Variants in TUT7 observed in about 807,000 individuals in gnomAD.
TUT7 encodes the protein terminal uridylyltransferase 7.
In TUT7, 33 loss-of-function variants were observed where a neutral mutation model predicts 165.9. The observed-to-expected ratio is 0.20, with a 90% confidence interval of 0.15 to 0.27. The LOEUF (loss-of-function observed/expected upper bound fraction) is 0.27. TUT7 is among the 10% of genes least tolerant of loss of function. The pLI, the probability that TUT7 is intolerant of heterozygous loss-of-function variation, is 1.00. For missense variants in TUT7, 1,338 were observed against 1,762.3 expected (o/e 0.76, Z 4.31); for synonymous variants, 552 against 608.1 (o/e 0.91, Z 1.36).
At chr9:86,306,992 G>A (rs561147825) in intron 22 of TUT7, among the ~76,000 whole-genome samples, 4 of 152,130 alleles carry the variant, frequency 2.6e-5, no homozygotes, top group Admixed American at 6.5e-5. Flanking sequence ...TTAATAGGCC[G>A]GGCACAGTGG....
At position 86,301,593 on chromosome 9, in the gene TUT7, C is replaced by T. The variant is rs529420813; in HGVS notation, c.4103G>A (p.Arg1368Gln). ...KDCPMRRKVR[R>Q]RRDQEDALNQ... ...CAGGGCATCTTCCTGATCTCGCCGC[C>T]GTCTTACTCTGTAGAAGATATCATA... The change falls in exon 26 of 27, where the codon CGG becomes CAG. Residue 1368 changes from arginine to glutamine, a missense_variant. By Grantham distance (43) the Arg-to-Gln change is conservative (BLOSUM62 1). Transcript: ENST00000375963. 456 of 1,611,990 alleles carry T rather than the reference C, an allele frequency of 2.8e-4. 6 individuals carry two copies. The South Asian group carries it at 4.5e-3, about 16-fold the overall frequency.
At chr9:86,343,998 T>A (rs1225790395) in intron 5 of TUT7, among the ~76,000 whole-genome samples, 1 of 152,222 alleles carries the variant, frequency 6.6e-6, no homozygotes, top group Non-Finnish European at 1.5e-5. Flanking sequence ...ACAGTAAAAA[T>A]CATCAGAATT....
At position 86,310,712 on chromosome 9, in the gene TUT7, G is replaced by A. The variant is rs754561048; in HGVS notation, c.3372C>T (p.Asn1124=). The A allele has an allele frequency of 6.3e-7, 1 of 1,591,008 alleles. No individual in the cohort carries two copies. Among genetic ancestry groups the A allele is most frequent in the Non-Finnish European group, 8.6e-7 (1 of 1,159,100 alleles). ...SGLEVDISLY[N]TLALHNTRLL... is the part of the protein sequence containing the mutation. ...AGCCTGAAAAAAATCTTACCAATGTGTTATACAAACTGATATCTACTTCCA... is the reference window on the plus strand; with the variant it reads ...AGCCTGAAAAAAATCTTACCAATGTATTATACAAACTGATATCTACTTCCA... Residue 1124 remains asparagine, a synonymous_variant, in exon 18 of 27, where the codon AAC becomes AAT. Transcript: ENST00000375963.
At chr9:86,318,375 T>C (rs1235637574) in intron 16 of TUT7, among the ~76,000 whole-genome samples, 1 of 152,186 alleles carries the variant, frequency 6.6e-6, no homozygotes, top group Non-Finnish European at 1.5e-5. Flanking sequence ...CAATAAAACT[T>C]TATTTACAAA....
chr9:86,306,768 C>T (rs1287912516), intron 22 of TUT7, among the ~76,000 whole-genome samples: 1 of 152,138 alleles, frequency 6.6e-6, no homozygotes, highest in African/African-American at 2.4e-5. Flanking sequence ...CATTACACTC[C>T]AGCCTGGGCG....
intron 20 of TUT7, 60 bp from the exon 21 acceptor site, chr9:86,309,349 C>T (rs541349179): frequency 7.0e-7 from 1 of 1,427,946 alleles, no homozygotes; most frequent in East Asian, 2.3e-5. Flanking sequence ...GATACAAAAA[C>T]TTCTAGGAAA....
intron 2 of TUT7, among the ~76,000 whole-genome samples, chr9:86,347,880 A>T (rs1831912305): frequency 6.7e-6 from 1 of 148,550 alleles, no homozygotes; most frequent in South Asian, 2.1e-4. Context: ...GGTCTGAACA[A>T]TTTTTTTTTT....
Position 86,305,224 on chromosome 9 carries a change from T to C in TUT7, c.3854A>G (p.Asn1285Ser), listed in dbSNP as rs1276633499. The part of the protein sequence containing the change: ...YIVIEDPFDL[N>S]HNLGAGLSRK... ...TGATAATCCAGCTCCAAGATTATGA[T>C]TCAAATCAAAGGGATCTAAGCAAAA... The change falls in exon 23 of 27, where the codon AAT (asparagine) becomes AGT (serine). Residue 1285 changes from asparagine (N) to serine (S), a missense_variant. Asn to Ser is a conservative substitution (Grantham distance 46). This residue lies in a region of TUT7 where 157 missense variants were observed against 357.5 expected (regional missense o/e 0.44). Coordinates refer to ENST00000375963, the MANE Select transcript of TUT7 (RefSeq NM_024617.4). 1.9e-6 allele frequency: 3 copies of C among 1,600,412 alleles called. No homozygotes were observed. The highest frequency in any genetic ancestry group is 2.6e-6 in the Non-Finnish European group (3 of 1,175,758).
chr9:86,318,440 C>T (rs1285575385), intron 16 of TUT7, among the ~76,000 whole-genome samples: 2 of 152,232 alleles, frequency 1.3e-5, no homozygotes, highest in South Asian at 2.1e-4. Context: ...AACTCCTGAC[C>T]CACATGATCC....
chr9:86,326,195 A>T (rs1051869796), intron 11 of TUT7, among the ~76,000 whole-genome samples: 3 of 152,242 alleles, frequency 2.0e-5, no homozygotes, highest in Non-Finnish European at 2.9e-5. Context: ...TAGCTTCTTC[A>T]TTCTCAGACT....
chr9:86,298,668 G>T, intron 26 of TUT7: 2 of 530,350 alleles, frequency 3.8e-6, no homozygotes, highest in Non-Finnish European at 4.8e-6. Context: ...TCCAATCCCT[G>T]TTAAAAGCAC....
intron 10 of TUT7, among the ~76,000 whole-genome samples, chr9:86,335,818 C>G (rs1053876205): frequency 1.3e-5 from 2 of 152,128 alleles, no homozygotes; most frequent in African/African-American, 4.8e-5. Context: ...TGGTAGTGTG[C>G]CTTAATGGAT....
chr9:86,312,451 C>A (rs551130990), intron 17 of TUT7, among the ~76,000 whole-genome samples: 4 of 151,432 alleles, frequency 2.6e-5, no homozygotes, highest in Middle Eastern at 3.2e-3. Flanking sequence ...AAGTGAGGAG[C>A]GTCTCCACCC....
At chr9:86,345,455 G>T (rs1015807761) in intron 4 of TUT7, among the ~76,000 whole-genome samples, 1 of 152,168 alleles carries the variant, frequency 6.6e-6, no homozygotes, top group African/African-American at 2.4e-5. Flanking sequence ...TCCTATCAAT[G>T]ACTTCATATA....
At chr9:86,298,607 G>A (rs1460821961) in intron 26 of TUT7, among the ~76,000 whole-genome samples, 1 of 152,194 alleles carries the variant, frequency 6.6e-6, no homozygotes, top group Non-Finnish European at 1.5e-5. Flanking sequence ...GGAAATAAAG[G>A]TAGAGGATGG....
At chr9:86,349,514 A>C (rs1230879233) in intron 2 of TUT7, among the ~76,000 whole-genome samples, 1 of 152,158 alleles carries the variant, frequency 6.6e-6, no homozygotes, top group Non-Finnish European at 1.5e-5. Flanking sequence ...TTTGAAGGCT[A>C]AAGTAGGGGC....
At chr9:86,336,892 T>C (rs1802830736) in intron 10 of TUT7, 1 of 152,314 alleles carries the variant, frequency 6.6e-6, no homozygotes, top group Non-Finnish European at 1.5e-5. Flanking sequence ...ATCTTTAAAA[T>C]AATGTCAAAA....
At chr9:86,301,711 T>C (rs1196785686) in intron 25 of TUT7, 110 bp from the exon 26 acceptor site, 2 of 1,499,884 alleles carry the variant, frequency 1.3e-6, no homozygotes, top group Non-Finnish European at 1.8e-6. Context: ...TGACCAGGAA[T>C]AGAAAGTATT....
intron 18 of TUT7, 55 bp downstream of exon 18, chr9:86,310,651 G>T: frequency 4.3e-6 from 4 of 928,846 alleles, no homozygotes; most frequent in Non-Finnish European, 7.0e-6. Context: ...TTTTTGCAAG[G>T]TGAGACATTT....
Sources: allele counts gnomAD v4.1 joint callset (sites outside exome capture counted in the v4.1 genomes callset), GRCh38; gene constraint gnomAD v4.1.1; regional missense constraint gnomAD v4.1.1; transcripts MANE v1.5; gene names NCBI Gene and HGNC (gene_info 2026-07-23, HGNC 2026-07-21).